Variants in MICAL1 observed in about 807,000 individuals in gnomAD.
MICAL1 encodes the protein microtubule associated monooxygenase, calponin and LIM domain containing 1, also known as [F-actin]-monooxygenase MICAL1.
MICAL1 carries 95 observed loss-of-function variants against 131.8 expected under a neutral mutation model. The ratio of observed to expected loss-of-function variants is 0.72; its 90% CI spans 0.61 to 0.86. MICAL1 has a LOEUF of 0.86. MICAL1 is among the 40% of genes least tolerant of loss of function. MICAL1 has a pLI of 0.00. For missense variants in MICAL1, 1,292 were observed against 1,380.6 expected, an observed-to-expected ratio of 0.94 and a Z score of 1.02; for synonymous variants, 546 against 554.2, an observed-to-expected ratio of 0.99 and a Z score of 0.21.
intron 15 of MICAL1, 31 bp downstream of exon 15, chr6:109,447,650 A>G (rs1337497557): frequency 2.5e-6 from 4 of 1,612,734 alleles, no homozygotes; most frequent in Non-Finnish European, 3.4e-6. Context: ...AATGTGGGGT[A>G]GGAGACCGAC....
At chr6:109,446,053 G>C in intron 19 of MICAL1, 83 bp downstream of exon 19, 2 of 1,493,734 alleles carry the variant, frequency 1.3e-6, no homozygotes, top group Non-Finnish European at 1.8e-6. Context: ...ACTTCCCTCT[G>C]TATTCCCCAG....
In MICAL1 at chr6:109,444,181, C is replaced by T. The variant is rs1252600344; in HGVS notation, c.*10G>A. ...CTTTGTGGGAACGAAAGCAGACGGC[C>T]CACCCTCGTCTAGCCCTGGGCCCCT... is the stretch of plus-strand genomic sequence containing the variant. On this transcript the variant is annotated 3_prime_UTR_variant, in exon 25 of 25. Transcript: ENST00000358807. The T allele has an allele frequency of 6.2e-7, 1 of 1,609,282 alleles. No individual in the cohort carries two copies. The highest frequency in any genetic ancestry group is 1.1e-5 in the South Asian group (1 of 91,004).
intron 24 of MICAL1, 98 bp downstream of exon 24, chr6:109,444,627 C>G (rs1414844565): frequency 3.5e-6 from 5 of 1,423,836 alleles, no homozygotes; most frequent in Non-Finnish European, 5.0e-6. Context: ...CAGAGGTACA[C>G]AGACTAGAGC....
At chr6:109,447,322 C>T (rs769430693) in intron 16 of MICAL1, 35 bp downstream of exon 16, 29 of 1,613,160 alleles carry the variant, frequency 1.8e-5, no homozygotes, top group East Asian at 4.5e-5. Context: ...CTGCCCTCCC[C>T]GGGCCTCTGC....
At chr6:109,464,340 A>G (rs2115351380) in intron 1 of MICAL1, 1 of 152,250 alleles carries the variant, frequency 6.6e-6, no homozygotes, top group African/African-American at 2.4e-5. Context: ...CTAACCTCCA[A>G]ATAACTTATT....
At chr6:109,449,016 G>T in intron 11 of MICAL1, 137 bp from the exon 12 acceptor site, 2 of 1,147,360 alleles carry the variant, frequency 1.7e-6, no homozygotes, top group Non-Finnish European at 2.4e-6. Flanking sequence ...CCAGCCTAAA[G>T]CTGACTATCA....
intron 24 of MICAL1, 107 bp downstream of exon 24, chr6:109,444,618 A>G (rs1444240130): frequency 3.7e-6 from 5 of 1,356,370 alleles, no homozygotes; most frequent in Non-Finnish European, 5.3e-6. Context: ...GAATTGTCTC[A>G]GAGGTACACA....
intron 15 of MICAL1, 118 bp downstream of exon 15, chr6:109,447,563 G>A (rs538110994): frequency 7.8e-6 from 12 of 1,535,630 alleles, no homozygotes; most frequent in East Asian, 2.3e-5. Flanking sequence ...AGGCTGGATG[G>A]GGGGGTTACA....
intron 9 of MICAL1, 38 bp downstream of exon 9, chr6:109,449,932 T>A: frequency 6.2e-7 from 1 of 1,608,638 alleles, no homozygotes. Context: ...TTGTCACATG[T>A]CCTGCCCTGC....
chr6:109,445,613 C>T lies in MICAL1; in HGVS notation c.2674-84G>A, dbSNP rs979166892. 37 of 1,555,714 alleles carry T rather than the reference C, an allele frequency of 2.4e-5. No homozygotes were observed. In the East Asian group the frequency reaches 2.9e-4, roughly 12 times the overall value. ...TTGTTTGGAAAGGCAGAAAATAACC[C>T]GTGCTGAAGTGGGGTAAGCTCTGGT... is the stretch of plus-strand genomic sequence containing the variant. On this transcript the variant is annotated intron_variant, in intron 20 of 24. Coordinates refer to ENST00000358807, the MANE Select transcript of MICAL1 (RefSeq NM_022765.4).
At chr6:109,446,038 C>A in intron 19 of MICAL1, 98 bp downstream of exon 19, 1 of 1,480,854 alleles carries the variant, frequency 6.8e-7, no homozygotes, top group East Asian at 2.3e-5. Context: ...CCTGGGATCC[C>A]CACAACTTCC....
rs766177194 is a variant in MICAL1 at position 109,453,645 on chromosome 6, G to C, written c.459C>G (p.Asp153Glu). The part of the protein sequence containing the change: ...FYGRFCTGTL[D>E]HISIRQLQLL... The stretch of plus-strand genomic sequence containing the variant: ...CCACCACGTGGTGCTCACTGATGTG[G>C]TCCAGGGTGCCGGTGCAGAAGCGCC... Residue 153 changes from aspartate (D) to glutamate (E), a missense_variant, in exon 3 of 25, where the codon GAC becomes GAG. Coordinates refer to ENST00000358807, the MANE Select transcript of MICAL1 (RefSeq NM_022765.4). The C allele has an allele frequency of 6.9e-6, 11 of 1,600,548 alleles. No individual in the cohort carries two copies. In the Admixed American group the frequency reaches 1.9e-4, roughly 28 times the overall value.
At chr6:109,449,160 A>T (rs1401595188) in intron 11 of MICAL1, 20 of 671,232 alleles carry the variant, frequency 3.0e-5, no homozygotes, top group Non-Finnish European at 3.7e-5. Context: ...TGCCAGCACC[A>T]CTATGGCTGT....
chr6:109,460,903 T>TA (rs1175209580), intron 1 of MICAL1, among the ~76,000 whole-genome samples: 8 of 152,328 alleles, frequency 5.3e-5, no homozygotes, highest in African/African-American at 1.7e-4. Flanking sequence ...AGGCTCCTGT[T>TA]AACTAAGACA....
Position 109,453,778 on chromosome 6 carries a change from C to A in MICAL1, c.326G>T (p.Arg109Leu). The change falls in exon 3 of 25, where the codon CGA (arginine) becomes CTA (leucine). Residue 109 changes from arginine (R) to leucine (L), a missense_variant. By Grantham distance (102) the Arg-to-Leu change is moderately radical. Transcript: ENST00000358807. ...VAVELALLGA[R>L]VVLVEKRTKF... ...GGTGCGCTTTTCCACCAGCACCACT[C>A]GGGCCCCCAGCAGCGCCAGCTCCAC... 1 of 1,613,704 alleles carries A rather than the reference C, an allele frequency of 6.2e-7. No homozygotes were observed. Among genetic ancestry groups the A allele is most frequent in the Non-Finnish European group, 8.5e-7 (1 of 1,179,996 alleles).
chr6:109,445,265 A>G lies in MICAL1; in HGVS notation c.2813T>C (p.Ile938Thr). ...CTCTAGCTCCCTCAAGGCAGCCTCA[A>G]TCTCATTTAGTCGCCGTTGGATGGT... The part of the protein sequence containing the change: ...AQTIQRRLNE[I>T]EAALRELEAE... The change falls in exon 22 of 25, where the codon ATT becomes ACT. Residue 938 changes from isoleucine (I) to threonine (T), a missense_variant. By Grantham distance (89) the Ile-to-Thr change is moderately conservative. Transcript: ENST00000358807. 1 of 1,614,112 alleles carries G rather than the reference A, an allele frequency of 6.2e-7. No homozygotes were observed. The highest frequency in any genetic ancestry group is 8.5e-7 in the Non-Finnish European group (1 of 1,180,034).
In MICAL1 at chr6:109,445,953, C is replaced by T. The variant is rs919879177; in HGVS notation, c.2582-91G>A. 2.6e-6 allele frequency: 4 copies of T among 1,527,170 alleles called. No individual in the cohort carries two copies. In the African/African-American group the frequency reaches 4.1e-5, roughly 16 times the overall value. 94.6% of individuals were successfully genotyped at this position (1,527,170 alleles called of 1,614,324 possible). On this transcript the variant is annotated intron_variant, in intron 19 of 24. Coordinates refer to ENST00000358807, the MANE Select transcript of MICAL1 (RefSeq NM_022765.4). ...TGGTGGTGACGGAGGCCCTGCAAGT[C>T]TGGTAAAGACTGAATGTATGTGTTG...
Position 109,444,878 on chromosome 6 carries a change from C to T in MICAL1, c.2981+18G>A. The T allele has an allele frequency of 6.2e-7, 1 of 1,614,122 alleles. No individual in the cohort carries two copies. The highest frequency in any genetic ancestry group is 8.5e-7 in the Non-Finnish European group (1 of 1,179,990). On this transcript the variant is annotated intron_variant, in intron 23 of 24. Transcript: ENST00000358807. ...GAGCCTGGCCCATGGGCCACTGTCACCATCCCCTTCCCCTTACGTGATCAT... is the reference window on the plus strand; with the variant it reads ...GAGCCTGGCCCATGGGCCACTGTCATCATCCCCTTCCCCTTACGTGATCAT...
At position 109,448,364 on chromosome 6, in the gene MICAL1, G is replaced by A; in HGVS notation, c.1694C>T (p.Ala565Val). The A allele has an allele frequency of 1.2e-6, 2 of 1,613,870 alleles. No homozygotes were observed. The highest frequency in any genetic ancestry group is 1.7e-6 in the Non-Finnish European group (2 of 1,180,004). ...LEPSELQGLG[A>V]LEATAWALKV... ...TAGTGCCCAAGCAGTTGCTTCCAGAGCTCCCAGCCCCTGCAGCTCTGAGGG... is the reference window on the plus strand; with the variant it reads ...TAGTGCCCAAGCAGTTGCTTCCAGAACTCCCAGCCCCTGCAGCTCTGAGGG... The change falls in exon 13 of 25, where the codon GCT becomes GTT. Residue 565 changes from alanine to valine, a missense_variant. Physicochemically the swap from Ala to Val is moderately conservative, Grantham distance 64. Coordinates refer to ENST00000358807, the MANE Select transcript of MICAL1 (RefSeq NM_022765.4).
Sources: allele counts gnomAD v4.1 joint callset (sites outside exome capture counted in the v4.1 genomes callset), GRCh38; gene constraint gnomAD v4.1.1; transcripts MANE v1.5; gene names NCBI Gene and HGNC (gene_info 2026-07-23, HGNC 2026-07-21).